The following SLC38A8 variants were observed in gnomAD, a reference collection of about 807,000 sequenced individuals.
SLC38A8 encodes the protein solute carrier family 38 member 8.
SLC38A8 carries 65 observed loss-of-function variants against 46.0 expected under a neutral mutation model. That is an observed-to-expected ratio of 1.41 (90% CI 1.16 to 1.74). The LOEUF (loss-of-function observed/expected upper bound fraction) is 1.74. SLC38A8 is among the 40% of genes most tolerant of loss of function. SLC38A8 has a pLI of 0.00. For synonymous variants in SLC38A8, 447 were observed against 243.7 expected, an observed-to-expected ratio of 1.83 and a Z score of -7.77; for missense variants, 998 against 567.9, an observed-to-expected ratio of 1.76 and a Z score of -7.70.
At chr16:84,017,597 C>G (rs950049617) in intron 7 of SLC38A8, among the ~76,000 whole-genome samples, 1 of 152,192 alleles carries the variant, frequency 6.6e-6, no homozygotes, top group African/African-American at 2.4e-5. Flanking sequence ...AAAATACAAA[C>G]ACACCTCCCA....
intron 2 of SLC38A8, among the ~76,000 whole-genome samples, chr16:84,037,386 C>G (rs867208102): frequency 6.9e-6 from 1 of 144,152 alleles, no homozygotes; most frequent in Non-Finnish European, 1.5e-5. Context: ...GCGGCACCGC[C>G]CCCTTGCAGG....
intron 6 of SLC38A8, 30 bp from the exon 7 acceptor site, chr16:84,022,919 G>A (rs370659793): frequency 9.3e-6 from 14 of 1,513,424 alleles, no homozygotes; most frequent in Admixed American, 2.3e-5. Context: ...TCAGCAGGAT[G>A]CTGGCTTCCC....
chr16:84,012,997 T>G lies in SLC38A8; in HGVS notation c.1214+4A>C, dbSNP rs777931373. ...GGGTGCCACCTCATCTTAGGGACAC[T>G]TACTTGACTCTTGGTCCTATAGGCT... is the stretch of plus-strand genomic sequence containing the variant. On this transcript the variant is annotated splice_donor_region_variant and intron_variant, in intron 10 of 10. Coordinates refer to ENST00000299709, the MANE Select transcript of SLC38A8 (RefSeq NM_001080442.3). The G allele has an allele frequency of 6.2e-7, 1 of 1,614,086 alleles. No individual in the cohort carries two copies. The highest frequency in any genetic ancestry group is 8.5e-7 in the Non-Finnish European group (1 of 1,179,960).
intron 2 of SLC38A8, among the ~76,000 whole-genome samples, chr16:84,041,741 C>T (rs1036178590): frequency 6.6e-6 from 1 of 152,178 alleles, no homozygotes; most frequent in African/African-American, 2.4e-5. Context: ...GTAGCTCCAT[C>T]CCGGAAGCTG....
Position 84,031,881 on chromosome 16 carries a change from G to A in SLC38A8, c.618C>T (p.Ser206=). The part of the protein sequence containing the change: ...YLWPQGLVRE[S]HPSLSPASWT... ...CTCAGACTTACCTCAGTGAAGGATG[G>A]GACTCACGCACGAGGCCCTGGGGCC... The change falls in exon 5 of 11, where the codon TCC becomes TCT. Residue 206 remains serine, a synonymous_variant. Transcript: ENST00000299709. 3 of 1,614,070 alleles carry A rather than the reference G, an allele frequency of 1.9e-6. No homozygotes were observed. Among genetic ancestry groups the A allele is most frequent in the South Asian group, 1.1e-5 (1 of 91,086 alleles).
intron 7 of SLC38A8, among the ~76,000 whole-genome samples, chr16:84,020,004 G>C (rs141374251): frequency 1.3e-5 from 2 of 152,252 alleles, no homozygotes; most frequent in African/African-American, 2.4e-5. Flanking sequence ...TGAAGTTCTC[G>C]CAGGCAGGTG....
chr16:84,014,521 G>T (rs2085001509), intron 9 of SLC38A8, among the ~76,000 whole-genome samples: 1 of 151,706 alleles, frequency 6.6e-6, no homozygotes. Context: ...TAAGCCCAAG[G>T]GAGAAGCCAC....
At chr16:84,039,184 G>T (rs774178522) in intron 2 of SLC38A8, among the ~76,000 whole-genome samples, 1 of 152,144 alleles carries the variant, frequency 6.6e-6, no homozygotes, top group African/African-American at 2.4e-5. Flanking sequence ...TGGAGGGAGC[G>T]AAGCCCTGCT....
At chr16:84,018,043 A>G (rs1262825316) in intron 7 of SLC38A8, among the ~76,000 whole-genome samples, 2 of 152,142 alleles carry the variant, frequency 1.3e-5, no homozygotes, top group Non-Finnish European at 2.9e-5. Context: ...TGCTTACAAC[A>G]GAATACCTGA....
intron 10 of SLC38A8, among the ~76,000 whole-genome samples, chr16:84,010,606 G>A (rs2084941702): frequency 6.6e-6 from 1 of 152,106 alleles, no homozygotes; most frequent in Non-Finnish European, 1.5e-5. Context: ...AATTAGCCAG[G>A]CACGGTGGCA....
intron 9 of SLC38A8, among the ~76,000 whole-genome samples, chr16:84,015,162 G>A (rs752670131): frequency 1.3e-5 from 2 of 152,112 alleles, no homozygotes; most frequent in Non-Finnish European, 2.9e-5. Context: ...CGCACTGAGG[G>A]AGTCTCGACT....
intron 6 of SLC38A8, among the ~76,000 whole-genome samples, chr16:84,027,737 G>C (rs1397689921): frequency 6.6e-6 from 1 of 152,198 alleles, no homozygotes; most frequent in African/African-American, 2.4e-5. Context: ...CCGTGTCCCT[G>C]GAAACGCAGC....
At chr16:84,029,946 A>G (rs11863317) in intron 5 of SLC38A8, among the ~76,000 whole-genome samples, 19,334 of 152,232 alleles carry the variant, frequency 0.13, 1,692 homozygotes, top group African/African-American at 0.24. Flanking sequence ...GCTCTGTCCA[A>G]GCCACCTAAG....
chr16:84,035,481 G>C (rs1211259201), intron 3 of SLC38A8, among the ~76,000 whole-genome samples: 1 of 152,142 alleles, frequency 6.6e-6, no homozygotes, highest in East Asian at 1.9e-4. Flanking sequence ...ATTCCAATCG[G>C]AAGTCTGAGA....
chr16:84,016,516 C>T lies in SLC38A8; in HGVS notation c.1162+3G>A, dbSNP rs1567691226. On this transcript the variant is annotated splice_donor_region_variant and intron_variant, in intron 9 of 10. Coordinates refer to ENST00000299709, the MANE Select transcript of SLC38A8 (RefSeq NM_001080442.3). ...CAGAAAGCCTGGAAAGCAGGGGCCT[C>T]ACCTGGGAAGATGAAGATGAAGAAG... The T allele has an allele frequency of 3.7e-6, 6 of 1,613,540 alleles. No homozygotes were observed. The highest frequency in any genetic ancestry group is 1.1e-5 in the South Asian group (1 of 91,048).
At chr16:84,031,602 A>C (rs872942) in intron 5 of SLC38A8, among the ~76,000 whole-genome samples, 1 of 152,128 alleles carries the variant, frequency 6.6e-6, no homozygotes, top group East Asian at 1.9e-4. Flanking sequence ...GTCTGCAATA[A>C]CCTATGACCC....
intron 9 of SLC38A8, among the ~76,000 whole-genome samples, chr16:84,015,710 GTTTGT>G (rs1331375323): frequency 2.0e-5 from 3 of 152,106 alleles, no homozygotes; most frequent in Non-Finnish European, 4.4e-5. Flanking sequence ...CTAGGTAATG[GTTTGT>G]TTTGTTTGAG....
In SLC38A8 at chr16:84,022,355, C is replaced by T. The variant is rs190472568; in HGVS notation, c.805+420G>A. Among the ~76,000 whole-genome samples the T allele has an allele frequency of 4.5e-4, 68 of 152,344 alleles. No individual in the cohort carries two copies. The Middle Eastern group carries it at 0.01, about 23-fold the overall frequency. ...TTTCATCACCTTTAAAGACCCTCTGCCTCCCACACACAGTTTGTGAGCACC... is the reference window on the plus strand; with the variant it reads ...TTTCATCACCTTTAAAGACCCTCTGTCTCCCACACACAGTTTGTGAGCACC... On this transcript the variant is annotated intron_variant, in intron 7 of 10. Transcript: ENST00000299709.
chr16:84,024,461 G>A (rs374273940), intron 6 of SLC38A8, among the ~76,000 whole-genome samples: 6 of 152,040 alleles, frequency 3.9e-5, no homozygotes, highest in Non-Finnish European at 7.4e-5. Flanking sequence ...TTACAAGTAC[G>A]AGCCACCATG....
Sources: allele counts gnomAD v4.1 joint callset (sites outside exome capture counted in the v4.1 genomes callset), GRCh38; gene constraint gnomAD v4.1.1; transcripts MANE v1.5; gene names NCBI Gene and HGNC (gene_info 2026-07-23, HGNC 2026-07-21).